Variants in GALNTL6 observed in about 807,000 individuals in gnomAD.
GALNTL6 encodes polypeptide N-acetylgalactosaminyltransferase like 6, also known as polypeptide N-acetylgalactosaminyltransferase-like 6.
GALNTL6 carries 46 observed loss-of-function variants against 73.7 expected under a neutral mutation model. That is an observed-to-expected ratio of 0.62 (90% confidence interval 0.49 to 0.80). The LOEUF (loss-of-function observed/expected upper bound fraction) is 0.80. Among genes scored for constraint, GALNTL6 ranks in the 30% least tolerant of loss-of-function variants. GALNTL6 has a pLI of 0.00. For missense variants in GALNTL6, 604 were observed against 755.0 expected, an observed-to-expected ratio of 0.80 and a Z score of 2.34; for synonymous variants, 259 against 263.7, an observed-to-expected ratio of 0.98 and a Z score of 0.17.
intron 2 of GALNTL6, among the ~76,000 whole-genome samples, chr4:171,976,058 G>T (rs1389729775): frequency 6.6e-6 from 1 of 152,104 alleles, no homozygotes; most frequent in Non-Finnish European, 1.5e-5. Context: ...GAGTAGCTGG[G>T]ATTACAGGGG....
intron 2 of GALNTL6, among the ~76,000 whole-genome samples, chr4:171,826,332 C>T (rs756779156): frequency 1.6e-4 from 24 of 152,138 alleles, no homozygotes; most frequent in Non-Finnish European, 2.5e-4. Flanking sequence ...CTCTACTTGC[C>T]TCCTGTTACT....
chr4:171,991,610 G>T (rs148357859), intron 2 of GALNTL6, among the ~76,000 whole-genome samples: 2 of 151,468 alleles, frequency 1.3e-5, no homozygotes, highest in East Asian at 3.9e-4. Context: ...AAAGCCCAAA[G>T]GCAAAGGAAA....
intron 2 of GALNTL6, among the ~76,000 whole-genome samples, chr4:171,961,157 C>T (rs1463462554): frequency 6.6e-6 from 1 of 152,062 alleles, no homozygotes; most frequent in Non-Finnish European, 1.5e-5. Flanking sequence ...AATTGTGTCC[C>T]AAAGTCTGTT....
chr4:172,667,229 CT>C (rs1165382039), intron 5 of GALNTL6: 3 of 152,224 alleles, frequency 2.0e-5, no homozygotes, highest in Non-Finnish European at 4.4e-5. Flanking sequence ...AACTATTGCA[CT>C]CTCCTCCCTT....
At chr4:172,869,640 A>G (rs1744825297) in intron 7 of GALNTL6, among the ~76,000 whole-genome samples, 1 of 152,188 alleles carries the variant, frequency 6.6e-6, no homozygotes, top group Non-Finnish European at 1.5e-5. Context: ...CTTATTTCCA[A>G]TGTCATCTAA....
Position 171,987,851 on chromosome 4 carries a change from G to A in GALNTL6, c.138+173133G>A, listed in dbSNP as rs187960784. 4.5e-3 allele frequency among the ~76,000 whole-genome samples: 685 copies of A among 152,274 alleles called. 4 individuals carry two copies. Among genetic ancestry groups the A allele is most frequent in the Non-Finnish European group, 7.3e-3 (495 of 68,028 alleles). ...TATGGGGAAATGGGGTGAATGTCAG[G>A]CGCATCAGAGAGATACAGTCATGGG... On this transcript the variant is annotated intron_variant, in intron 2 of 12. Coordinates refer to ENST00000506823, the MANE Select transcript of GALNTL6 (RefSeq NM_001034845.3).
chr4:172,281,531 CT>C (rs1739055784), intron 3 of GALNTL6, among the ~76,000 whole-genome samples: 1 of 151,494 alleles, frequency 6.6e-6, no homozygotes, highest in African/African-American at 2.4e-5. Flanking sequence ...CCTGTCTCTA[CT>C]AAAAAAAAAT....
At chr4:172,833,824 G>GAGT (rs1432322883) in intron 7 of GALNTL6, among the ~76,000 whole-genome samples, 8 of 152,150 alleles carry the variant, frequency 5.3e-5, no homozygotes, top group African/African-American at 1.9e-4. Context: ...AGACAGAAGG[G>GAGT]AGTAGTCAAC....
At chr4:172,565,765 T>C (rs1001857966) in intron 5 of GALNTL6, among the ~76,000 whole-genome samples, 7 of 152,154 alleles carry the variant, frequency 4.6e-5, no homozygotes, top group Non-Finnish European at 7.4e-5. Flanking sequence ...TTTATGGTTA[T>C]TGATGCAATG....
At chr4:172,738,722 G>A (rs936167094) in intron 5 of GALNTL6, among the ~76,000 whole-genome samples, 3 of 152,080 alleles carry the variant, frequency 2.0e-5, no homozygotes, top group South Asian at 2.1e-4. Flanking sequence ...AAGGTGGTTG[G>A]GGCACAGCTT....
chr4:172,110,457 A>T (rs932893096), intron 2 of GALNTL6, among the ~76,000 whole-genome samples: 1 of 152,212 alleles, frequency 6.6e-6, no homozygotes, highest in Non-Finnish European at 1.5e-5. Context: ...CTTTCACAAT[A>T]TTTAGTTAGT....
At chr4:172,995,133 T>C (rs965968448) in intron 10 of GALNTL6, among the ~76,000 whole-genome samples, 4 of 152,210 alleles carry the variant, frequency 2.6e-5, no homozygotes, top group African/African-American at 9.6e-5. Context: ...CTTAGATTTA[T>C]TGGCAATTCA....
At chr4:172,787,651 G>A (rs1285459816) in intron 5 of GALNTL6, among the ~76,000 whole-genome samples, 1 of 152,150 alleles carries the variant, frequency 6.6e-6, no homozygotes, top group African/African-American at 2.4e-5. Flanking sequence ...CAGTCCATAG[G>A]GGGCTGAAAT....
At chr4:172,124,000 T>A (rs1349957344) in intron 2 of GALNTL6, among the ~76,000 whole-genome samples, 1 of 152,128 alleles carries the variant, frequency 6.6e-6, no homozygotes. Context: ...TTTACATGCA[T>A]CTGAAGGAAG....
At chr4:172,537,640 G>A (rs1014820203) in intron 5 of GALNTL6, among the ~76,000 whole-genome samples, 8 of 151,936 alleles carry the variant, frequency 5.3e-5, no homozygotes, top group Non-Finnish European at 1.0e-4. Context: ...TATATTGTGT[G>A]TTTGTCTAAG....
chr4:172,634,069 C>T (rs535951096), intron 5 of GALNTL6, among the ~76,000 whole-genome samples: 1 of 152,310 alleles, frequency 6.6e-6, no homozygotes, highest in East Asian at 1.9e-4. Context: ...TCTAATGTAG[C>T]TCTCCCCAGT....
intron 7 of GALNTL6, among the ~76,000 whole-genome samples, chr4:172,875,732 A>AACACACACACACACAC (rs59079970): frequency 1.4e-5 from 2 of 145,718 alleles, no homozygotes; most frequent in Admixed American, 1.4e-4. Context: ...CTCATACATA[A>AACACACACACACACAC]ACACACACAC....
intron 5 of GALNTL6, among the ~76,000 whole-genome samples, chr4:172,624,917 T>C (rs1739105273): frequency 6.6e-6 from 1 of 151,908 alleles, no homozygotes; most frequent in Admixed American, 6.6e-5. Context: ...GTCACCCAGG[T>C]AGTGAGCATA....
intron 5 of GALNTL6, among the ~76,000 whole-genome samples, chr4:172,396,187 C>T (rs1276395367): frequency 5.3e-5 from 8 of 152,116 alleles, no homozygotes; most frequent in Non-Finnish European, 1.2e-4. Context: ...TCTCCTTGAC[C>T]TGAGCCCTTC....
Sources: gnomAD v4.1 joint callset for allele counts (sites outside exome capture counted in the v4.1 genomes callset) on GRCh38, gnomAD v4.1.1 for gene constraint, MANE v1.5 for transcripts, NCBI Gene and HGNC (gene_info 2026-07-23, HGNC 2026-07-21) for gene names.